Variants in HORMAD2 observed in about 807,000 individuals in gnomAD.
HORMAD2 encodes the protein HORMA domain-containing protein 2.
In HORMAD2, 45 loss-of-function variants were observed where a neutral mutation model predicts 38.8. The observed-to-expected ratio is 1.16, with a 90% CI of 0.91 to 1.49. The LOEUF (loss-of-function observed/expected upper bound fraction) is 1.49, where lower values mean the gene tolerates loss of function less well. HORMAD2 is among the 40% of genes most tolerant of loss of function. HORMAD2 has a pLI of 0.00. For missense variants in HORMAD2, 338 were observed against 367.0 expected, an observed-to-expected ratio of 0.92 and a Z score of 0.65; for synonymous variants, 126 against 122.8, an observed-to-expected ratio of 1.03 and a Z score of -0.17.
At chr22:30,097,886 T>A (rs1435410087) in intron 2 of HORMAD2, among the ~76,000 whole-genome samples, 1 of 152,200 alleles carries the variant, frequency 6.6e-6, no homozygotes, top group East Asian at 1.9e-4. Flanking sequence ...GAATTGAGTA[T>A]GTCCTCGGTC....
chr22:30,082,473 A>C (rs1293852695), intron 1 of HORMAD2, among the ~76,000 whole-genome samples: 2 of 152,250 alleles, frequency 1.3e-5, no homozygotes, highest in South Asian at 2.1e-4. Context: ...TAAAATAGGA[A>C]GTAATTGTGC....
chr22:30,175,833 G>A (rs755241949), intron 10 of HORMAD2, among the ~76,000 whole-genome samples: 1 of 152,186 alleles, frequency 6.6e-6, no homozygotes, highest in African/African-American at 2.4e-5. Context: ...CCAAGAAACT[G>A]TCTCAGAAAC....
the HORMAD2 span, among the ~76,000 whole-genome samples, chr22:30,206,322 A>G: frequency 1.4e-4 from 22 of 152,178 alleles, no homozygotes; most frequent in Admixed American, 9.8e-4. Flanking sequence ...ACCTGCCACC[A>G]CACCCAGCTA....
intron 10 of HORMAD2, among the ~76,000 whole-genome samples, chr22:30,127,492 C>T (rs1390168573): frequency 6.6e-6 from 1 of 152,118 alleles, no homozygotes; most frequent in African/African-American, 2.4e-5. Flanking sequence ...CAGGTGTGAA[C>T]CACCACGCCC....
chr22:30,088,139 A>G (rs557979550), intron 1 of HORMAD2, among the ~76,000 whole-genome samples: 2 of 149,976 alleles, frequency 1.3e-5, no homozygotes, highest in Non-Finnish European at 2.9e-5. Flanking sequence ...ACATGTGTAC[A>G]TATACACATA....
At chr22:30,101,680 G>T (rs1286526020) in intron 3 of HORMAD2, among the ~76,000 whole-genome samples, 2 of 151,694 alleles carry the variant, frequency 1.3e-5, no homozygotes, top group African/African-American at 2.4e-5. Flanking sequence ...GCTACAAGTT[G>T]CCTTGTAAGA....
intron 10 of HORMAD2, among the ~76,000 whole-genome samples, chr22:30,139,587 A>G (rs538704456): frequency 3.2e-4 from 48 of 151,996 alleles, no homozygotes; most frequent in Non-Finnish European, 6.0e-4. Flanking sequence ...GATGCCTTTT[A>G]TTTCCTTTTC....
intron 10 of HORMAD2, among the ~76,000 whole-genome samples, chr22:30,157,766 T>C (rs1448840389): frequency 1.3e-5 from 2 of 152,184 alleles, no homozygotes; most frequent in Non-Finnish European, 2.9e-5. Flanking sequence ...CGGTATTGAA[T>C]ATGTAATTTC....
intron 8 of HORMAD2, among the ~76,000 whole-genome samples, chr22:30,121,117 TTAGA>T (rs1214502477): frequency 1.3e-5 from 2 of 152,200 alleles, no homozygotes; most frequent in African/African-American, 2.4e-5. Context: ...GGAAAAATAG[TTAGA>T]TAGCCACTGT....
intron 10 of HORMAD2, among the ~76,000 whole-genome samples, chr22:30,164,868 A>T (rs2123723407): frequency 6.6e-6 from 1 of 152,300 alleles, no homozygotes; most frequent in Non-Finnish European, 1.5e-5. Context: ...TTATTAGATA[A>T]ATGATTTGCA....
intron 5 of HORMAD2, among the ~76,000 whole-genome samples, chr22:30,110,741 A>T (rs953824728): frequency 5.9e-5 from 9 of 152,114 alleles, no homozygotes; most frequent in African/African-American, 2.2e-4. Context: ...AAAAAAGTAC[A>T]GTTGACCTTT....
At chr22:30,092,345 C>CT (rs34673975) in intron 1 of HORMAD2, among the ~76,000 whole-genome samples, 42,342 of 107,824 alleles carry the variant, frequency 0.39, 8,071 homozygotes, top group Middle Eastern at 0.44. Flanking sequence ...AGATCCTTTG[C>CT]TTTTTTTTTT....
chr22:30,156,943 A>T (rs1320129538), intron 10 of HORMAD2, among the ~76,000 whole-genome samples: 1 of 152,192 alleles, frequency 6.6e-6, no homozygotes, highest in African/African-American at 2.4e-5. Flanking sequence ...TCCTACTGTT[A>T]CTCTAAATTG....
chr22:30,201,512 G>A, the HORMAD2 span, among the ~76,000 whole-genome samples: 1 of 151,590 alleles, frequency 6.6e-6, no homozygotes, highest in Non-Finnish European at 1.5e-5. Flanking sequence ...CGCCCCGCGG[G>A]GTTCACGCCA....
In HORMAD2 at chr22:30,165,790, C is replaced by T. The variant is rs566376705; in HGVS notation, c.820-10273C>T. Among the ~76,000 whole-genome samples, 5 of 152,060 alleles carry T rather than the reference C, an allele frequency of 3.3e-5. No individual in the cohort carries two copies. The South Asian group carries it at 1.0e-3, about 31-fold the overall frequency. On this transcript the variant is annotated intron_variant, in intron 10 of 10. Coordinates refer to ENST00000336726, the MANE Select transcript of HORMAD2 (RefSeq NM_152510.4). ...TTGAAATGCCACCTTTTTCATAAAC[C>T]ATAGCATAGGTTTGTTTTTAGATTT... is the stretch of plus-strand genomic sequence containing the variant.
intron 7 of HORMAD2, among the ~76,000 whole-genome samples, chr22:30,115,058 G>T (rs551716077): frequency 9.9e-5 from 15 of 152,168 alleles, no homozygotes; most frequent in Middle Eastern, 3.4e-3. Context: ...TATGGTGAAG[G>T]CATAAATCTT....
intron 10 of HORMAD2, among the ~76,000 whole-genome samples, chr22:30,129,430 C>T (rs931920647): frequency 5.9e-5 from 9 of 151,866 alleles, no homozygotes; most frequent in Admixed American, 3.9e-4. Context: ...CTAACAATTT[C>T]GAGCACTCTC....
intron 10 of HORMAD2, among the ~76,000 whole-genome samples, chr22:30,175,600 C>A (rs1474692927): frequency 6.6e-6 from 1 of 151,942 alleles, no homozygotes; most frequent in Non-Finnish European, 1.5e-5. Flanking sequence ...ATAACATACT[C>A]CTCAGTAGAA....
At position 30,098,845 on chromosome 22, in the gene HORMAD2, T is replaced by C. The variant is rs774712430; in HGVS notation, c.52-7T>C. The C allele has an allele frequency of 1.2e-5, 20 of 1,608,246 alleles. No individual in the cohort carries two copies. The highest frequency in any genetic ancestry group is 1.7e-4 in the Middle Eastern group (1 of 6,034). ...CTAATCTTTTTTCACCTCCGTTGTT[T>C]TTCCAGGAAACAGTTTTCCCATCCC... On this transcript the variant is annotated splice_polypyrimidine_tract_variant and splice_region_variant and intron_variant, in intron 2 of 10. Coordinates refer to ENST00000336726, the MANE Select transcript of HORMAD2 (RefSeq NM_152510.4).
Sources: allele counts gnomAD v4.1 joint callset (sites outside exome capture counted in the v4.1 genomes callset), GRCh38; gene constraint gnomAD v4.1.1; transcripts MANE v1.5; gene names NCBI Gene and HGNC (gene_info 2026-07-23, HGNC 2026-07-21).